Variants in DAGLA observed in about 807,000 individuals in gnomAD.
DAGLA encodes the protein diacylglycerol lipase-alpha.
A neutral mutation model predicts 102.6 loss-of-function variants in DAGLA; 22 were observed. The ratio of observed to expected loss-of-function variants is 0.21; its 90% CI spans 0.15 to 0.31. The LOEUF (loss-of-function observed/expected upper bound fraction) is 0.31. Among genes scored for constraint, DAGLA ranks in the 10% least tolerant of loss-of-function variants. The pLI is 1.00. For synonymous variants in DAGLA, 578 were observed against 628.9 expected, an observed-to-expected ratio of 0.92 and a Z score of 1.21; for missense variants, 927 against 1,446.6, an observed-to-expected ratio of 0.64 and a Z score of 5.83.
At chr11:61,730,322 G>C (rs1050364664) in intron 8 of DAGLA, among the ~76,000 whole-genome samples, 1 of 151,938 alleles carries the variant, frequency 6.6e-6, no homozygotes, top group Non-Finnish European at 1.5e-5. Context: ...AGGTGCCAGG[G>C]TCACACCTGC....
In DAGLA at chr11:61,731,438, G is replaced by A; in HGVS notation, c.971G>A (p.Cys324Tyr). 1 of 1,613,436 alleles carries A rather than the reference G, an allele frequency of 6.2e-7. No homozygotes were observed. The highest frequency in any genetic ancestry group is 8.5e-7 in the Non-Finnish European group (1 of 1,179,974). Residue 324 changes from cysteine (C) to tyrosine (Y), a missense_variant, in exon 9 of 20, where the codon TGC (cysteine) becomes TAC (tyrosine). Cys to Tyr is a radical substitution (Grantham distance 194). Coordinates refer to ENST00000257215, the MANE Select transcript of DAGLA (RefSeq NM_006133.3). ...ACGLCQLARS[C>Y]SCCLCPARPR... ...GGCCTCTGCCAACTGGCTCGGTCCTGCTCGTGAGTACCCCTGTCCCATCCC... is the reference window on the plus strand; with the variant it reads ...GGCCTCTGCCAACTGGCTCGGTCCTACTCGTGAGTACCCCTGTCCCATCCC...
chr11:61,737,141 G>A (rs7941980), intron 13 of DAGLA, 41 bp from the exon 14 acceptor site: 27 of 1,611,788 alleles, frequency 1.7e-5, no homozygotes, highest in Admixed American at 1.2e-4. Flanking sequence ...GTCGCTTGGC[G>A]GGCATTGGGG....
intron 1 of DAGLA, among the ~76,000 whole-genome samples, chr11:61,718,728 GGGA>G (rs1565255742): frequency 6.6e-6 from 1 of 152,136 alleles, no homozygotes; most frequent in Non-Finnish European, 1.5e-5. Context: ...TGAGGGTGGG[GGGA>G]GGAGTAGGCA....
At chr11:61,733,532 A>G (rs1442896233) in intron 9 of DAGLA, among the ~76,000 whole-genome samples, 1 of 152,242 alleles carries the variant, frequency 6.6e-6, no homozygotes, top group Non-Finnish European at 1.5e-5. Flanking sequence ...CTCAGCTGTC[A>G]TCCCGTGACA....
chr11:61,735,894 G>A (rs1361024985), intron 12 of DAGLA, 78 bp downstream of exon 12: 4 of 1,364,302 alleles, frequency 2.9e-6, no homozygotes, highest in Admixed American at 4.3e-5. Context: ...TATGGTTGGG[G>A]GTTCCTCCCT....
chr11:61,743,589 G>T lies in DAGLA; in HGVS notation c.2229G>T (p.Ser743=), dbSNP rs377513243. ...GCTTCTCGGAGGGGCGGCTGCTGTCGCCAGTGGTTGCGGCGGCGGCCCGCC... is the reference window on the plus strand; with the variant it reads ...GCTTCTCGGAGGGGCGGCTGCTGTCTCCAGTGGTTGCGGCGGCGGCCCGCC... The part of the protein sequence containing the change: ...LEGFSEGRLL[S]PVVAAAARQD... The change falls in exon 20 of 20, where the codon TCG becomes TCT. Residue 743 remains serine (S), a synonymous_variant. Coordinates refer to ENST00000257215, the MANE Select transcript of DAGLA (RefSeq NM_006133.3). The T allele has an allele frequency of 5.1e-6, 8 of 1,567,438 alleles. No individual in the cohort carries two copies. Among genetic ancestry groups the T allele is most frequent in the Middle Eastern group, 3.5e-4 (2 of 5,704 alleles).
Position 61,741,280 on chromosome 11 carries a change from C to T in DAGLA, c.2102C>T (p.Thr701Met), listed in dbSNP as rs371326715. 6.8e-6 allele frequency: 11 copies of T among 1,612,934 alleles called. No homozygotes were observed. The highest frequency in any genetic ancestry group is 1.3e-5 in the African/African-American group (1 of 74,948). ...ATCTTCCAGCAGCAGCCACTCCCCA[C>T]GGGGCCGCCCATGCCCACTGGCCTT... Reference protein sequence around the residue: ...ELIFQQQPLPTGPPMPTGLAL... With the variant: ...ELIFQQQPLPMGPPMPTGLAL... Residue 701 changes from threonine (T) to methionine (M), a missense_variant, in exon 19 of 20, where the codon ACG becomes ATG. Physicochemically the swap from Thr to Met is moderately conservative, Grantham distance 81. Around this residue, in one of 4 missense-constraint regions of DAGLA, gnomAD observed 434 missense variants for 503.3 expected, o/e 0.86. Coordinates refer to ENST00000257215, the MANE Select transcript of DAGLA (RefSeq NM_006133.3).
At chr11:61,690,365 T>G (rs1405215271) in intron 1 of DAGLA, among the ~76,000 whole-genome samples, 1 of 152,184 alleles carries the variant, frequency 6.6e-6, no homozygotes, top group African/African-American at 2.4e-5. Flanking sequence ...TGCCTGGAGC[T>G]GGGAATAATG....
chr11:61,710,780 T>C (rs1021931743), intron 1 of DAGLA, among the ~76,000 whole-genome samples: 2 of 152,152 alleles, frequency 1.3e-5, no homozygotes, highest in African/African-American at 4.8e-5. Flanking sequence ...CTGCGCACAC[T>C]GGGGAGACAT....
intron 1 of DAGLA, among the ~76,000 whole-genome samples, chr11:61,718,756 T>TAGCCCGCC (rs1353027840): frequency 1.3e-5 from 2 of 152,254 alleles, no homozygotes; most frequent in Admixed American, 6.5e-5. Context: ...CCCGGCAGGC[T>TAGCCCGCC]AGCCCGCCAG....
rs1021465678 is a variant in DAGLA, at chr11:61,746,925, C to A, written c.*2436C>A. 6.6e-6 allele frequency: 1 copy of A among 152,518 alleles called. No individual in the cohort carries two copies. The highest frequency in any genetic ancestry group is 6.5e-5 in the Admixed American group (1 of 15,280). 9.4% of individuals were successfully genotyped at this position (152,518 alleles called of 1,614,324 possible). A position where few individuals can be genotyped will look rare whatever the true frequency, so the allele number is the denominator to read the frequency against. ...AAAAAGGAGAGACAAATTAATATAG[C>A]TTATTCTATAAATATATCTGTATAT... On this transcript the variant is annotated 3_prime_UTR_variant, in exon 20 of 20. Transcript: ENST00000257215.
At chr11:61,702,485 G>A (rs2065116987) in intron 1 of DAGLA, among the ~76,000 whole-genome samples, 1 of 152,266 alleles carries the variant, frequency 6.6e-6, no homozygotes, top group African/African-American at 2.4e-5. Flanking sequence ...GAGCATTGGG[G>A]GATGGGGGTA....
At chr11:61,718,678 C>T (rs540096638) in intron 1 of DAGLA, among the ~76,000 whole-genome samples, 10 of 151,904 alleles carry the variant, frequency 6.6e-5, no homozygotes, top group African/African-American at 9.7e-5. Flanking sequence ...AGCTGAGCTC[C>T]GACTCCTCCT....
In DAGLA at chr11:61,734,120, A is replaced by G. The variant is rs198447; in HGVS notation, c.975-729A>G. Among the ~76,000 whole-genome samples the G allele has an allele frequency of 0.41, 62,868 of 151,864 alleles. 13,321 individuals carry two copies. The highest frequency in any genetic ancestry group is 0.77 in the East Asian group (3,933 of 5,112). ...AGCTGAGAGCGTAGGGGCAAGTGCA[A>G]GGAGGCCAGTCGAGGCCACCATGAC... On this transcript the variant is annotated intron_variant, in intron 9 of 19. Coordinates refer to ENST00000257215, the MANE Select transcript of DAGLA (RefSeq NM_006133.3). The surrounding 1 kb of genome is among the most constrained non-coding windows in gnomAD (Gnocchi z 4.2).
chr11:61,734,854 G>T lies in DAGLA; in HGVS notation c.980G>T (p.Cys327Phe). 6.2e-7 allele frequency: 1 copy of T among 1,613,220 alleles called. No individual in the cohort carries two copies. Among genetic ancestry groups the T allele is most frequent in the Non-Finnish European group, 8.5e-7 (1 of 1,179,376 alleles). The change falls in exon 10 of 20, where the codon TGC becomes TTC. Residue 327 changes from cysteine to phenylalanine, a missense_variant. By Grantham distance (205) the Cys-to-Phe change is radical. Around this residue, in one of 4 missense-constraint regions of DAGLA, gnomAD observed 44 missense variants for 44.0 expected, o/e 1.00. Transcript: ENST00000257215. This position sits in a 1 kb window ranked among gnomAD's most constrained non-coding sequence, Gnocchi z 4.2. ...CTCTTGTCACCCCACCCTAGGTGTT[G>T]CCTGTGTCCTGCGAGGCCGCGGTTC... ...LCQLARSCSCCLCPARPRFAP... is the reference protein window; with the variant it reads ...LCQLARSCSCFLCPARPRFAP...
intron 17 of DAGLA, 69 bp downstream of exon 17, chr11:61,739,730 G>A (rs929461646): frequency 2.8e-5 from 42 of 1,503,244 alleles, no homozygotes; most frequent in African/African-American, 1.5e-4. Flanking sequence ...GAGCAGGGCC[G>A]GCCTTGGCTC....
chr11:61,695,479 C>A (rs775894459), intron 1 of DAGLA, among the ~76,000 whole-genome samples: 3 of 152,204 alleles, frequency 2.0e-5, no homozygotes, highest in Non-Finnish European at 4.4e-5. Flanking sequence ...CACTTCCCAG[C>A]GGGGAGGAGC....
chr11:61,707,499 G>T lies in DAGLA; in HGVS notation c.-44-12613G>T, dbSNP rs1303095875. Among the ~76,000 whole-genome samples, 9 of 152,232 alleles carry T rather than the reference G, an allele frequency of 5.9e-5. No individual in the cohort carries two copies. The East Asian group carries it at 1.7e-3, about 29-fold the overall frequency. On this transcript the variant is annotated intron_variant, in intron 1 of 19. Transcript: ENST00000257215. ...AGCCTCCTGGCCTATTCCCCCACAG[G>T]CTGGGAGAGAGGCAGATGGAGGCCA...
At chr11:61,739,252 C>T (rs987794902) in intron 16 of DAGLA, among the ~76,000 whole-genome samples, 2 of 152,212 alleles carry the variant, frequency 1.3e-5, no homozygotes, top group African/African-American at 4.8e-5. Flanking sequence ...TCCTTGGCAC[C>T]TTATTGGCCG....
Sources: allele counts gnomAD v4.1 joint callset (sites outside exome capture counted in the v4.1 genomes callset), GRCh38; gene constraint gnomAD v4.1.1; regional missense constraint gnomAD v4.1.1; non-coding constraint Gnocchi (gnomAD v3.1); transcripts MANE v1.5; gene names NCBI Gene and HGNC (gene_info 2026-07-23, HGNC 2026-07-21).